SMIM23: variants seen among roughly 807,000 people sequenced by gnomAD.
SMIM23 encodes small integral membrane protein 23, also known as CTB-78H18.1.
SMIM23 carries 10 observed loss-of-function variants against 12.8 expected under a neutral mutation model. The observed-to-expected ratio is 0.78, with a 90% CI of 0.48 to 1.32. SMIM23 has a LOEUF of 1.32. Among genes scored for constraint, SMIM23 ranks in the 40% most tolerant of loss-of-function variants. The probability of loss-of-function intolerance (pLI) is 0.00; values close to 1 mark genes in which losing one functional copy is unlikely to be tolerated. For synonymous variants in SMIM23, 78 were observed against 80.1 expected (o/e 0.97, Z 0.14); for missense variants, 184 against 198.2 (o/e 0.93, Z 0.43).
At chr5:171,787,376 G>C (rs551978614) in intron 1 of SMIM23, among the ~76,000 whole-genome samples, 91 of 152,282 alleles carry the variant, frequency 6.0e-4, no homozygotes, top group African/African-American at 2.2e-3. Flanking sequence ...CTGAGGCTCA[G>C]AGAAATTATT....
chr5:171,786,583 G>C (rs940733497), intron 1 of SMIM23, among the ~76,000 whole-genome samples: 1 of 152,204 alleles, frequency 6.6e-6, no homozygotes, highest in East Asian at 1.9e-4. Flanking sequence ...CTGAGCAAGG[G>C]TTTATTCTGA....
chr5:171,784,271 C>T (rs188579085), upstream of SMIM23, among the ~76,000 whole-genome samples: 652 of 152,108 alleles, frequency 4.3e-3, 5 homozygotes, highest in African/African-American at 0.015. Context: ...TTTGGGAGGC[C>T]GAGGCAAGCG....
chr5:171,787,749 C>A (rs534326084), intron 1 of SMIM23, among the ~76,000 whole-genome samples: 1 of 152,230 alleles, frequency 6.6e-6, no homozygotes, highest in Non-Finnish European at 1.5e-5. Context: ...GAGGGAGGCT[C>A]TTTTGGGGCT....
upstream of SMIM23, among the ~76,000 whole-genome samples, chr5:171,784,092 A>C (rs1357370601): frequency 6.6e-6 from 1 of 152,226 alleles, no homozygotes; most frequent in Non-Finnish European, 1.5e-5. Context: ...AATAATAAAA[A>C]ATTGCTTAAT....
the SMIM23 span, chr5:171,774,087 C>T: frequency 5.6e-6 from 2 of 357,504 alleles, no homozygotes; most frequent in Non-Finnish European, 1.1e-5. Context: ...AAAATGGCAT[C>T]TATTCAGAAG....
At chr5:171,789,371 A>G (rs534600656) in intron 1 of SMIM23, among the ~76,000 whole-genome samples, 1 of 152,390 alleles carries the variant, frequency 6.6e-6, no homozygotes, top group African/African-American at 2.4e-5. Context: ...GTGGTTTCTT[A>G]TAAAATTAAA....
upstream of SMIM23, among the ~76,000 whole-genome samples, chr5:171,781,893 C>T (rs948786978): frequency 1.3e-5 from 2 of 152,126 alleles, no homozygotes; most frequent in African/African-American, 2.4e-5. Flanking sequence ...CCAATCAGCA[C>T]TCTGTAAAAA....
the SMIM23 span, among the ~76,000 whole-genome samples, chr5:171,772,856 G>C: frequency 6.6e-6 from 1 of 152,230 alleles, no homozygotes; most frequent in Non-Finnish European, 1.5e-5. Context: ...TTCCAGACAA[G>C]TGGTTTTCTC....
chr5:171,786,108 GCA>G, intron 1 of SMIM23, 132 bp downstream of exon 1: 1 of 712,412 alleles, frequency 1.4e-6, no homozygotes. Flanking sequence ...CTCTGATGGA[GCA>G]CAGTTTAGGG....
rs1387434305 is a variant in SMIM23, at chr5:171,790,872, T to C, written c.303T>C (p.His101=). The change falls in exon 4 of 4, where the codon CAT becomes CAC. Residue 101 remains histidine, a synonymous_variant. Coordinates refer to ENST00000523047, the MANE Select transcript of SMIM23 (RefSeq NM_001289970.2). ...TIRNWLKEKL[H]VFSEKLEEEV... is the part of the protein sequence containing the mutation. Reference sequence around the variant, plus strand: ...GGAACTGGCTGAAGGAGAAGTTGCATGTCTTCTCGGAGAAGTTAGAGGAAG... The same window carrying C: ...GGAACTGGCTGAAGGAGAAGTTGCACGTCTTCTCGGAGAAGTTAGAGGAAG... 1.3e-6 allele frequency: 2 copies of C among 1,536,110 alleles called. No individual in the cohort carries two copies. The highest frequency in any genetic ancestry group is 1.2e-5 in the South Asian group (1 of 84,058).
the SMIM23 span, among the ~76,000 whole-genome samples, chr5:171,777,246 G>A: frequency 2.6e-5 from 4 of 152,280 alleles, no homozygotes; most frequent in South Asian, 6.2e-4. Flanking sequence ...CAATAACAGC[G>A]GAATACTTGG....
chr5:171,772,656 G>A, the SMIM23 span, among the ~76,000 whole-genome samples: 2 of 152,122 alleles, frequency 1.3e-5, no homozygotes, highest in Admixed American at 6.5e-5. Flanking sequence ...GCGAGGCAGC[G>A]AGACTCCTGA....
At chr5:171,786,990 A>G (rs1368003832) in intron 1 of SMIM23, among the ~76,000 whole-genome samples, 1 of 133,958 alleles carries the variant, frequency 7.5e-6, no homozygotes, top group Non-Finnish European at 1.6e-5. Flanking sequence ...ATTCTACCAG[A>G]GTCCCATTGT....
At chr5:171,776,341 G>C in the SMIM23 span, among the ~76,000 whole-genome samples, 2 of 152,154 alleles carry the variant, frequency 1.3e-5, no homozygotes, top group African/African-American at 2.4e-5. Context: ...ACAACACAAC[G>C]CGCCCGAGGC....
intron 1 of SMIM23, 44 bp downstream of exon 1, chr5:171,786,020 T>C: frequency 6.9e-7 from 1 of 1,457,540 alleles, no homozygotes; most frequent in Non-Finnish European, 9.3e-7. Context: ...CCATCTGGGC[T>C]CCTTTTGCCA....
the SMIM23 span, among the ~76,000 whole-genome samples, chr5:171,776,245 G>A: frequency 1.4e-5 from 2 of 139,946 alleles, no homozygotes; most frequent in Non-Finnish European, 3.1e-5. Flanking sequence ...GCAGCCCACG[G>A]TCTCACAGTG....
chr5:171,774,639 C>G, the SMIM23 span: 1 of 450,734 alleles, frequency 2.2e-6, no homozygotes, highest in South Asian at 1.6e-5. Context: ...TTCACAGGCT[C>G]CTTTGAACTT....
At chr5:171,778,735 G>T (rs1755680509), upstream of SMIM23, among the ~76,000 whole-genome samples, 2 of 152,198 alleles carry the variant, frequency 1.3e-5, no homozygotes, top group African/African-American at 4.8e-5. Flanking sequence ...CATCCAGTTT[G>T]TAATAATTCA....
At chr5:171,790,389 C>T in intron 2 of SMIM23, 93 bp from the exon 3 acceptor site, 8 of 1,502,416 alleles carry the variant, frequency 5.3e-6, no homozygotes, top group Non-Finnish European at 7.2e-6. Flanking sequence ...CCACCTTCTC[C>T]CACTGACCCT....
Sources: gnomAD v4.1 joint callset for allele counts (sites outside exome capture counted in the v4.1 genomes callset) on GRCh38, gnomAD v4.1.1 for gene constraint, MANE v1.5 for transcripts, NCBI Gene and HGNC (gene_info 2026-07-23, HGNC 2026-07-21) for gene names.